Variants in ATP6V1C1 observed in about 807,000 individuals in gnomAD.
ATP6V1C1 encodes ATPase H+ transporting V1 subunit C1, also known as V-type proton ATPase subunit C 1.
In ATP6V1C1, 45 loss-of-function variants were observed where a neutral mutation model predicts 53.9. That is an observed-to-expected ratio of 0.83 (90% CI 0.66 to 1.07). The LOEUF (loss-of-function observed/expected upper bound fraction) is 1.07, where lower values mean the gene tolerates loss of function less well. ATP6V1C1 is among the 50% of genes least tolerant of loss of function. ATP6V1C1 has a pLI of 0.00. For missense variants in ATP6V1C1, 315 were observed against 440.3 expected (o/e 0.72, Z 2.55); for synonymous variants, 153 against 155.2 (o/e 0.99, Z 0.11).
intron 6 of ATP6V1C1, among the ~76,000 whole-genome samples, chr8:103,053,663 A>G (rs1817239079): frequency 6.6e-6 from 1 of 151,998 alleles, no homozygotes. Flanking sequence ...TAAAGCAAAC[A>G]CAAAACACTA....
intron 1 of ATP6V1C1, among the ~76,000 whole-genome samples, chr8:103,028,240 C>G (rs1286155471): frequency 1.3e-5 from 2 of 151,906 alleles, no homozygotes; most frequent in African/African-American, 4.8e-5. Flanking sequence ...GCGAAACGAG[C>G]AAAGGCAGGG....
At chr8:103,065,120 T>C (rs1817465185) in intron 11 of ATP6V1C1, among the ~76,000 whole-genome samples, 1 of 152,252 alleles carries the variant, frequency 6.6e-6, no homozygotes, top group Non-Finnish European at 1.5e-5. Context: ...TCAGGTGTTT[T>C]ATATGTCATT....
intron 8 of ATP6V1C1, among the ~76,000 whole-genome samples, chr8:103,056,292 C>G (rs960624268): frequency 2.0e-5 from 3 of 152,122 alleles, no homozygotes; most frequent in Non-Finnish European, 4.4e-5. Flanking sequence ...TGCATACCTA[C>G]TATGTGTCTA....
At chr8:103,040,719 T>A in intron 1 of ATP6V1C1, 79 bp from the exon 2 acceptor site, 1 of 1,309,158 alleles carries the variant, frequency 7.6e-7, no homozygotes, top group Non-Finnish European at 1.0e-6. Flanking sequence ...TTATATGTTA[T>A]AACTTCTCCT....
rs1563612960 is a variant in ATP6V1C1, at chr8:103,071,843, C to T, written c.*3096C>T. ...TGTTGCCCGGGCTGGTCTCGAACTC[C>T]TGAGCTCAAGGGATCCTCCCGCCTC... On this transcript the variant is annotated 3_prime_UTR_variant, in exon 13 of 13. Transcript: ENST00000518738. 1 of 152,474 alleles carries T rather than the reference C, an allele frequency of 6.6e-6. No homozygotes were observed. The highest frequency in any genetic ancestry group is 1.5e-5 in the Non-Finnish European group (1 of 68,290). The allele number at this position is 152,474 out of a possible 1,614,324, so 9.4% of individuals were successfully genotyped here.
Position 103,042,423 on chromosome 8 carries a change from G to A in ATP6V1C1, c.200+16G>A. 2 of 1,611,966 alleles carry A rather than the reference G, an allele frequency of 1.2e-6. No individual in the cohort carries two copies. The highest frequency in any genetic ancestry group is 1.7e-6 in the Non-Finnish European group (2 of 1,178,370). ...TTGTAGAAGGGTAATGTACTTATAT[G>A]CATGGAGTAGAGCAAAATGGGAGAC... is the stretch of plus-strand genomic sequence containing the variant. On this transcript the variant is annotated intron_variant, in intron 3 of 12. Transcript: ENST00000518738.
chr8:103,049,291 TCTCAG>T (rs1817158995), intron 4 of ATP6V1C1, among the ~76,000 whole-genome samples: 1 of 152,242 alleles, frequency 6.6e-6, no homozygotes. Flanking sequence ...AAGTTGTATA[TCTCAG>T]CATTGTTCCA....
intron 5 of ATP6V1C1, 98 bp from the exon 6 acceptor site, chr8:103,052,633 G>GT (rs1230874006): frequency 6.9e-6 from 4 of 577,604 alleles, no homozygotes; most frequent in Non-Finnish European, 8.2e-6. Flanking sequence ...AAACTAGTGG[G>GT]TTTTTTTGTA....
At chr8:103,051,210 C>A in intron 5 of ATP6V1C1, 66 bp downstream of exon 5, 1 of 1,191,856 alleles carries the variant, frequency 8.4e-7, no homozygotes, top group South Asian at 1.4e-5. Flanking sequence ...TTTATAATTT[C>A]ACTATGAAAT....
chr8:103,058,119 A>G (rs537962967), intron 8 of ATP6V1C1, among the ~76,000 whole-genome samples: 54 of 152,352 alleles, frequency 3.5e-4, no homozygotes, highest in Admixed American at 2.8e-3. Context: ...TTACTCTGAT[A>G]GAAAGACTTT....
At chr8:103,062,738 GA>G (rs1159430340) in intron 8 of ATP6V1C1, among the ~76,000 whole-genome samples, 1 of 152,174 alleles carries the variant, frequency 6.6e-6, no homozygotes, top group Non-Finnish European at 1.5e-5. Context: ...TGGTTAGTAA[GA>G]AATAAATGTA....
At chr8:103,023,629 T>A (rs928535299) in intron 1 of ATP6V1C1, among the ~76,000 whole-genome samples, 1 of 152,236 alleles carries the variant, frequency 6.6e-6, no homozygotes, top group African/African-American at 2.4e-5. Context: ...TATCTTTTAT[T>A]GAAATATAGT....
chr8:103,069,023 T>A lies in ATP6V1C1; in HGVS notation c.*276T>A. On this transcript the variant is annotated 3_prime_UTR_variant, in exon 13 of 13. Coordinates refer to ENST00000518738, the MANE Select transcript of ATP6V1C1 (RefSeq NM_001695.5). ...AAATAGTTTATTTAAAGAGAAGGTCTCTTCCTTATTGATATCATGGTATGC... is the reference window on the plus strand; with the variant it reads ...AAATAGTTTATTTAAAGAGAAGGTCACTTCCTTATTGATATCATGGTATGC... 4.9e-6 allele frequency: 1 copy of A among 202,872 alleles called. No homozygotes were observed. The highest frequency in any genetic ancestry group is 9.8e-6 in the Non-Finnish European group (1 of 102,502). The allele number at this position is 202,872 out of a possible 1,614,324, so 12.6% of individuals were successfully genotyped here.
rs1000204091 is a variant in ATP6V1C1 at position 103,023,896 on chromosome 8, A to AT, written c.-40+2680dup. ...AGTGCACAGTAGTCTTTGATTCAGC[A>AT]TTTTTTTTTGGGGGGGGGGAACTTC... On this transcript the variant is annotated intron_variant, in intron 1 of 12. Transcript: ENST00000518738. 7.3e-4 allele frequency among the ~76,000 whole-genome samples: 105 copies of AT among 143,918 alleles called. 1 individual carries two copies. In the Middle Eastern group the frequency reaches 0.015, roughly 20 times the overall value. 94.4% of individuals were successfully genotyped at this position (143,918 alleles called of 152,430 possible).
At chr8:103,027,429 A>G (rs532558493) in intron 1 of ATP6V1C1, among the ~76,000 whole-genome samples, 1 of 152,218 alleles carries the variant, frequency 6.6e-6, no homozygotes, top group African/African-American at 2.4e-5. Flanking sequence ...TCTTGGGTCA[A>G]TCCCATACCT....
chr8:103,049,519 T>C (rs920563268), intron 4 of ATP6V1C1, among the ~76,000 whole-genome samples: 2 of 152,248 alleles, frequency 1.3e-5, no homozygotes, highest in African/African-American at 2.4e-5. Flanking sequence ...GTAATGACTT[T>C]AGAAAGATGA....
chr8:103,042,434 A>G (rs750259406), intron 3 of ATP6V1C1, 27 bp downstream of exon 3: 2 of 1,598,932 alleles, frequency 1.3e-6, no homozygotes, highest in Middle Eastern at 1.7e-4. Context: ...CATGGAGTAG[A>G]GCAAAATGGG....
intron 3 of ATP6V1C1, among the ~76,000 whole-genome samples, chr8:103,044,223 G>A (rs1338157696): frequency 6.6e-6 from 1 of 152,144 alleles, no homozygotes. Flanking sequence ...AAGCACAAAA[G>A]TTTTAAATTT....
At chr8:103,026,876 C>A (rs149219308) in intron 1 of ATP6V1C1, among the ~76,000 whole-genome samples, 1,616 of 152,244 alleles carry the variant, frequency 0.011, 17 homozygotes, top group South Asian at 0.025. Context: ...GAATCATGGA[C>A]GTATTCCTTG....
Sources: allele counts gnomAD v4.1 joint callset (sites outside exome capture counted in the v4.1 genomes callset), GRCh38; gene constraint gnomAD v4.1.1; transcripts MANE v1.5; gene names NCBI Gene and HGNC (gene_info 2026-07-23, HGNC 2026-07-21).